NDUFAF6: variants seen among roughly 807,000 people sequenced by gnomAD.
The protein encoded by NDUFAF6 is NADH dehydrogenase (ubiquinone) complex I, assembly factor 6.
NDUFAF6 carries 45 observed loss-of-function variants against 40.8 expected under a neutral mutation model. The ratio of observed to expected loss-of-function variants is 1.10; its 90% CI spans 0.87 to 1.42. The LOEUF (loss-of-function observed/expected upper bound fraction) is 1.42. NDUFAF6 is among the 40% of genes most tolerant of loss of function. The probability of loss-of-function intolerance (pLI) is 0.00; values close to 1 mark genes in which losing one functional copy is unlikely to be tolerated. For synonymous variants in NDUFAF6, 185 were observed against 155.9 expected (o/e 1.19, Z -1.39); for missense variants, 435 against 418.5 (o/e 1.04, Z -0.34).
intron 1 of NDUFAF6, among the ~76,000 whole-genome samples, chr8:94,918,533 A>G (rs976811316): frequency 6.6e-6 from 1 of 152,288 alleles, no homozygotes; most frequent in East Asian, 1.9e-4. Context: ...ATATCATTTC[A>G]TTGATTTCTA....
At position 95,026,219 on chromosome 8, in the gene NDUFAF6, G is replaced by T. The variant is rs552776091; in HGVS notation, c.197+1014G>T. On this transcript the variant is annotated intron_variant, in intron 1 of 8. Transcript: ENST00000396124. ...CGGTGGCTACACGCCTGTAATCTCCGCACTTTAGGAGGCTGAGACCGGTGG... is the reference window on the plus strand; with the variant it reads ...CGGTGGCTACACGCCTGTAATCTCCTCACTTTAGGAGGCTGAGACCGGTGG... Among the ~76,000 whole-genome samples, 4 of 152,192 alleles carry T rather than the reference G, an allele frequency of 2.6e-5. No homozygotes were observed. The East Asian group carries it at 7.7e-4, about 29-fold the overall frequency.
At chr8:95,041,830 C>A (rs1830181972) in intron 4 of NDUFAF6, among the ~76,000 whole-genome samples, 1 of 152,138 alleles carries the variant, frequency 6.6e-6, no homozygotes, top group Non-Finnish European at 1.5e-5. Flanking sequence ...AAGGCAGAGG[C>A]ATGTGTATGC....
chr8:94,993,157 C>T (rs1234592630), intron 2 of NDUFAF6, among the ~76,000 whole-genome samples: 1 of 152,176 alleles, frequency 6.6e-6, no homozygotes, highest in Non-Finnish European at 1.5e-5. Flanking sequence ...ACATTGTCTT[C>T]CCTCTGTACC....
At chr8:94,897,240 A>G (rs1482205921) in intron 1 of NDUFAF6, among the ~76,000 whole-genome samples, 4 of 152,210 alleles carry the variant, frequency 2.6e-5, no homozygotes, top group Non-Finnish European at 5.9e-5. Flanking sequence ...TAACTAGTAA[A>G]TTGATTTTAA....
intron 2 of NDUFAF6, among the ~76,000 whole-genome samples, chr8:95,008,632 G>A (rs1016759838): frequency 1.3e-5 from 2 of 152,006 alleles, no homozygotes; most frequent in Non-Finnish European, 2.9e-5. Flanking sequence ...TCAGCCTCTC[G>A]AGTAGCCAGG....
At chr8:95,089,477 A>AT (rs1809180453) in intron 2 of NDUFAF6, among the ~76,000 whole-genome samples, 10 of 144,360 alleles carry the variant, frequency 6.9e-5, no homozygotes, top group African/African-American at 1.0e-4. Context: ...TATATATATA[A>AT]AAGGGAGAGG....
chr8:95,055,688 A>C (rs1340213544), intron 8 of NDUFAF6, among the ~76,000 whole-genome samples: 1 of 152,244 alleles, frequency 6.6e-6, no homozygotes, highest in Admixed American at 6.5e-5. Context: ...AAGGAAGTAC[A>C]CTAAAATATT....
chr8:95,050,411 G>A (rs1182722655), intron 7 of NDUFAF6, among the ~76,000 whole-genome samples: 1 of 152,188 alleles, frequency 6.6e-6, no homozygotes, highest in African/African-American at 2.4e-5. Context: ...TTAGAGTATT[G>A]TGGATGAGAG....
intron 2 of NDUFAF6, chr8:95,085,668 T>TTAA (rs1554690245): frequency 7.0e-6 from 1 of 141,900 alleles, no homozygotes; most frequent in East Asian, 2.1e-4. Context: ...ACCTCATTTC[T>TTAA]AAAAAAAAAA....
At chr8:94,933,510 A>G (rs1207785375) in intron 1 of NDUFAF6, among the ~76,000 whole-genome samples, 1 of 152,148 alleles carries the variant, frequency 6.6e-6, no homozygotes, top group Non-Finnish European at 1.5e-5. Context: ...CATACCTGTA[A>G]TCCCAGCACT....
At chr8:94,980,980 A>G (rs913055729) in intron 2 of NDUFAF6, 1 of 456,548 alleles carries the variant, frequency 2.2e-6, no homozygotes, top group African/African-American at 2.0e-5. Flanking sequence ...AAAGGTGAGC[A>G]AGTAATTGAA....
intron 2 of NDUFAF6, among the ~76,000 whole-genome samples, chr8:94,951,769 G>C (rs1366106537): frequency 6.6e-6 from 1 of 152,180 alleles, no homozygotes; most frequent in Admixed American, 6.5e-5. Context: ...ACTGTGTACT[G>C]CCTGTATCTG....
At chr8:94,977,694 CT>C (rs747055662) in intron 1 of NDUFAF6, among the ~76,000 whole-genome samples, 15 of 152,192 alleles carry the variant, frequency 9.9e-5, no homozygotes, top group South Asian at 6.2e-4. Context: ...CTCTTGGACT[CT>C]GGAACTTACA....
chr8:94,900,354 G>A (rs1388042457), intron 1 of NDUFAF6, among the ~76,000 whole-genome samples: 2 of 152,068 alleles, frequency 1.3e-5, no homozygotes, highest in African/African-American at 4.8e-5. Context: ...TCAGCAGGGT[G>A]GCAGCAGAGC....
At chr8:94,926,438 C>CAT (rs970092510) in intron 1 of NDUFAF6, 2 of 142,918 alleles carry the variant, frequency 1.4e-5, no homozygotes, top group African/African-American at 5.2e-5. Context: ...AAAAAACACA[C>CAT]GCAATTATTA....
chr8:94,943,162 A>T (rs1359346933), intron 1 of NDUFAF6, among the ~76,000 whole-genome samples: 1 of 152,102 alleles, frequency 6.6e-6, no homozygotes, highest in African/African-American at 2.4e-5. Flanking sequence ...TAGATTTGGG[A>T]GCTGATGACA....
intron 2 of NDUFAF6, among the ~76,000 whole-genome samples, chr8:95,087,184 C>G (rs940474773): frequency 6.6e-6 from 1 of 152,056 alleles, no homozygotes; most frequent in Non-Finnish European, 1.5e-5. Flanking sequence ...TAAAGAGTAG[C>G]CAACATAGGA....
intron 2 of NDUFAF6, among the ~76,000 whole-genome samples, chr8:95,083,365 C>G (rs1808940079): frequency 6.6e-6 from 1 of 152,180 alleles, no homozygotes; most frequent in South Asian, 2.1e-4. Context: ...AGTTATCCAT[C>G]TAGTTATTTT....
chr8:95,039,757 G>A (rs1175917201), intron 3 of NDUFAF6, among the ~76,000 whole-genome samples: 4 of 151,702 alleles, frequency 2.6e-5, no homozygotes, highest in Non-Finnish European at 5.9e-5. Flanking sequence ...CTGAGTAGCT[G>A]GAACTACAAG....
Sources: allele counts gnomAD v4.1 joint callset (sites outside exome capture counted in the v4.1 genomes callset), GRCh38; gene constraint gnomAD v4.1.1; transcripts MANE v1.5; gene names NCBI Gene and HGNC (gene_info 2026-07-23, HGNC 2026-07-21).